Variants in BARX2 observed in about 807,000 individuals in gnomAD.
The protein encoded by BARX2 is BARX homeobox 2.
A neutral mutation model predicts 25.5 loss-of-function variants in BARX2; 11 were observed. The observed-to-expected ratio is 0.43, with a 90% CI of 0.27 to 0.71. The LOEUF is 0.71. Among genes scored for constraint, BARX2 ranks in the 30% least tolerant of loss-of-function variants. The pLI is 0.19. For missense variants in BARX2, 360 were observed against 359.9 expected (o/e 1.00, Z 0.00); for synonymous variants, 137 against 149.5 (o/e 0.92, Z 0.61).
At chr11:129,438,677 C>T (rs927695140) in intron 2 of BARX2, among the ~76,000 whole-genome samples, 3 of 152,202 alleles carry the variant, frequency 2.0e-5, no homozygotes, top group African/African-American at 7.2e-5. Flanking sequence ...GCCACTGGGG[C>T]ACTGTGGCAG....
chr11:129,451,029 A>G, intron 3 of BARX2, 107 bp from the exon 4 acceptor site: 1 of 1,409,426 alleles, frequency 7.1e-7, no homozygotes, highest in Non-Finnish European at 9.7e-7. Flanking sequence ...CTGCAATTTC[A>G]CTGCTGGAAC....
rs534520283 is a variant in BARX2 at position 129,418,408 on chromosome 11, C to T, written c.188-18343C>T. On this transcript the variant is annotated intron_variant, in intron 1 of 3. Transcript: ENST00000281437. Reference sequence around the variant, plus strand: ...TTTCAGAATGTCATGTTATTTCAGCCCAAGCGGTTCCCCAGGAAACACAAC... The same window carrying T: ...TTTCAGAATGTCATGTTATTTCAGCTCAAGCGGTTCCCCAGGAAACACAAC... 2.5e-4 allele frequency among the ~76,000 whole-genome samples: 38 copies of T among 152,194 alleles called. 2 individuals are homozygous for T. The South Asian group carries it at 7.9e-3, about 32-fold the overall frequency.
chr11:129,386,188 G>C (rs1861615286), intron 1 of BARX2, among the ~76,000 whole-genome samples: 1 of 152,218 alleles, frequency 6.6e-6, no homozygotes, highest in South Asian at 2.1e-4. Flanking sequence ...TGGTCCCCCA[G>C]TCGTGCAAGA....
intron 1 of BARX2, among the ~76,000 whole-genome samples, chr11:129,394,730 T>G (rs1393160216): frequency 6.6e-6 from 1 of 152,166 alleles, no homozygotes; most frequent in Non-Finnish European, 1.5e-5. Flanking sequence ...TAATAAAGCT[T>G]TTTCATCCAG....
intron 3 of BARX2, among the ~76,000 whole-genome samples, chr11:129,443,976 T>C (rs1229223566): frequency 1.7e-4 from 26 of 152,164 alleles, no homozygotes; most frequent in Admixed American, 1.7e-3. Context: ...GTCCATGCCA[T>C]GCCTTCATGA....
intron 1 of BARX2, among the ~76,000 whole-genome samples, chr11:129,402,350 C>T (rs1275173396): frequency 1.3e-5 from 2 of 151,856 alleles, no homozygotes; most frequent in Non-Finnish European, 2.9e-5. Context: ...ACTCACTACA[C>T]AGGATTGTTA....
intron 1 of BARX2, among the ~76,000 whole-genome samples, chr11:129,382,211 G>T (rs565660780): frequency 6.6e-6 from 1 of 152,128 alleles, no homozygotes; most frequent in South Asian, 2.1e-4. Context: ...CAGGATCTTG[G>T]TCTGTTGCCC....
At chr11:129,395,243 C>A (rs1861706406) in intron 1 of BARX2, among the ~76,000 whole-genome samples, 1 of 152,126 alleles carries the variant, frequency 6.6e-6, no homozygotes, top group African/African-American at 2.4e-5. Context: ...TGTGCCGAGC[C>A]TAGAGAGTCT....
intron 1 of BARX2, among the ~76,000 whole-genome samples, chr11:129,434,969 A>C (rs1862172718): frequency 6.6e-6 from 1 of 152,246 alleles, no homozygotes; most frequent in African/African-American, 2.4e-5. Flanking sequence ...ATTTCCTATA[A>C]TGATAAGCTT....
At chr11:129,395,331 C>T (rs1172056625) in intron 1 of BARX2, among the ~76,000 whole-genome samples, 6 of 152,126 alleles carry the variant, frequency 3.9e-5, no homozygotes, top group Non-Finnish European at 4.4e-5. Flanking sequence ...CAGTGATGTT[C>T]GAGGACCAGC....
chr11:129,437,138 C>A, intron 2 of BARX2, 87 bp downstream of exon 2: 1 of 1,357,056 alleles, frequency 7.4e-7, no homozygotes, highest in Non-Finnish European at 9.9e-7. Flanking sequence ...AGCCACAGCA[C>A]TGGTACAGTG....
At chr11:129,379,470 T>C (rs778231123) in intron 1 of BARX2, among the ~76,000 whole-genome samples, 1 of 152,028 alleles carries the variant, frequency 6.6e-6, no homozygotes, top group Non-Finnish European at 1.5e-5. Flanking sequence ...AAAAGAGAGG[T>C]GCATTTTAGG....
In BARX2 at chr11:129,411,796, T is replaced by C. The variant is rs186588569; in HGVS notation, c.188-24955T>C. Reference sequence around the variant, plus strand: ...TCTGCGGGTGGGGCCTCAGCATTAATATTTTTTAAAGGCTCACAAGGTCTT... The same window carrying C: ...TCTGCGGGTGGGGCCTCAGCATTAACATTTTTTAAAGGCTCACAAGGTCTT... On this transcript the variant is annotated intron_variant, in intron 1 of 3. Coordinates refer to ENST00000281437, the MANE Select transcript of BARX2 (RefSeq NM_003658.5). Among the ~76,000 whole-genome samples the C allele has an allele frequency of 1.1e-4, 16 of 152,376 alleles. No homozygotes were observed. The East Asian group carries it at 2.9e-3, about 28-fold the overall frequency.
intron 1 of BARX2, among the ~76,000 whole-genome samples, chr11:129,418,686 C>T (rs1461214217): frequency 2.0e-5 from 3 of 152,060 alleles, no homozygotes; most frequent in Non-Finnish European, 2.9e-5. Flanking sequence ...TTTATACTGC[C>T]TTTTTCTTTT....
At chr11:129,403,236 A>G (rs1861795706) in intron 1 of BARX2, among the ~76,000 whole-genome samples, 1 of 152,168 alleles carries the variant, frequency 6.6e-6, no homozygotes, top group South Asian at 2.1e-4. Context: ...TGCACTCCTA[A>G]TTGCTTATAA....
Position 129,436,987 on chromosome 11 carries a change from G to T in BARX2, c.424G>T (p.Glu142Ter). The part of the protein sequence containing the change: ...KPRRSRTIFT[E>*]LQLMGLEKKF... The stretch of plus-strand genomic sequence containing the variant: ...CCGCCGGAGTCGCACCATCTTCACC[G>T]AGCTGCAGCTCATGGGCCTGGAGAA... Residue 142 changes from glutamate (E) to a stop codon, truncating the protein, a stop_gained, in exon 2 of 4, where the codon GAG (glutamate) becomes TAG (stop). Coordinates refer to ENST00000281437, the MANE Select transcript of BARX2 (RefSeq NM_003658.5). LOFTEE classifies it high-confidence loss of function. The surrounding 1 kb of genome is among the most constrained non-coding windows in gnomAD (Gnocchi z 4.5). The T allele has an allele frequency of 6.2e-7, 1 of 1,607,990 alleles. No homozygotes were observed. Among genetic ancestry groups the T allele is most frequent in the Non-Finnish European group, 8.5e-7 (1 of 1,175,866 alleles).
In BARX2 at chr11:129,442,825, T is replaced by G. The variant is rs1398159888; in HGVS notation, c.489-10T>G. ...CTGCTCACCTTTCCTTTGTATCTTG[T>G]GCCTTCTAGGTTGGACTTGGCTCAG... On this transcript the variant is annotated splice_polypyrimidine_tract_variant and intron_variant, in intron 2 of 3. Coordinates refer to ENST00000281437, the MANE Select transcript of BARX2 (RefSeq NM_003658.5). 1 of 1,611,030 alleles carries G rather than the reference T, an allele frequency of 6.2e-7. No homozygotes were observed. The highest frequency in any genetic ancestry group is 8.5e-7 in the Non-Finnish European group (1 of 1,177,232).
upstream of BARX2, among the ~76,000 whole-genome samples, chr11:129,375,233 C>G (rs962630187): frequency 6.6e-6 from 1 of 152,074 alleles, no homozygotes; most frequent in Non-Finnish European, 1.5e-5. This position sits in a 1 kb window ranked among gnomAD's most constrained non-coding sequence, Gnocchi z 4.0. Flanking sequence ...CGCGCAGGCT[C>G]AGCGCGGGCT....
intron 1 of BARX2, among the ~76,000 whole-genome samples, chr11:129,433,434 T>C (rs1862150886): frequency 6.6e-6 from 1 of 152,170 alleles, no homozygotes; most frequent in African/African-American, 2.4e-5. Flanking sequence ...CTCCCTCAGC[T>C]CACATCTTGC....
Sources: allele counts gnomAD v4.1 joint callset (sites outside exome capture counted in the v4.1 genomes callset), GRCh38; gene constraint gnomAD v4.1.1; non-coding constraint Gnocchi (gnomAD v3.1); transcripts MANE v1.5; gene names NCBI Gene and HGNC (gene_info 2026-07-23, HGNC 2026-07-21).